COL10A1: variants seen among roughly 807,000 people sequenced by gnomAD.
The protein encoded by COL10A1 is collagen alpha-1(X) chain.
A neutral mutation model predicts 18.2 loss-of-function variants in COL10A1; 10 were observed. That is an observed-to-expected ratio of 0.55 (90% CI 0.34 to 0.93). COL10A1 has a LOEUF of 0.93. COL10A1 is among the 40% of genes least tolerant of loss of function. The pLI is 0.02. For missense variants in COL10A1, 897 were observed against 853.5 expected (o/e 1.05, Z -0.64); for synonymous variants, 330 against 316.6 (o/e 1.04, Z -0.45).
the COL10A1 span, among the ~76,000 whole-genome samples, chr6:116,194,628 A>C: frequency 6.6e-6 from 1 of 152,062 alleles, no homozygotes; most frequent in Non-Finnish European, 1.5e-5. Flanking sequence ...AATAAAGGAT[A>C]ATGTGAATTC....
chr6:116,144,985 G>A (rs1445469238), intron 1 of COL10A1, among the ~76,000 whole-genome samples: 1 of 152,146 alleles, frequency 6.6e-6, no homozygotes, highest in Non-Finnish European at 1.5e-5. Flanking sequence ...AGGGAAAAGG[G>A]TTCAATTAGA....
chr6:116,159,400 G>T (rs1211248771), upstream of COL10A1, among the ~76,000 whole-genome samples: 1 of 152,106 alleles, frequency 6.6e-6, no homozygotes, highest in Non-Finnish European at 1.5e-5. Context: ...TTACACATGT[G>T]ATTATTCATT....
At chr6:116,191,247 CCTCTGACCCAAA>C in the COL10A1 span, among the ~76,000 whole-genome samples, 1 of 151,986 alleles carries the variant, frequency 6.6e-6, no homozygotes, top group Admixed American at 6.6e-5. Context: ...AGAATTTGTA[CCTCTGACCCAAA>C]CTCCAAGGAC....
intron 1 of COL10A1, among the ~76,000 whole-genome samples, chr6:116,158,156 A>G (rs1256753728): frequency 2.6e-5 from 4 of 152,214 alleles, no homozygotes; most frequent in Non-Finnish European, 5.9e-5. Context: ...AGTTTTTATT[A>G]CAAATAAATC....
the COL10A1 span, among the ~76,000 whole-genome samples, chr6:116,177,486 G>T: frequency 2.0e-5 from 3 of 152,174 alleles, no homozygotes; most frequent in Admixed American, 2.0e-4. Flanking sequence ...TCTCTTTAAT[G>T]ATATAAATTT....
At chr6:116,199,809 A>G in the COL10A1 span, among the ~76,000 whole-genome samples, 1 of 152,104 alleles carries the variant, frequency 6.6e-6, no homozygotes. Context: ...TAAAATAACC[A>G]TCAATGAGTC....
In COL10A1 at chr6:116,156,753, C is replaced by T. The variant is rs77775306; in HGVS notation, c.-16+1861G>A. On this transcript the variant is annotated intron_variant, in intron 1 of 1. Coordinates refer to the COL10A1 transcript ENST00000418500. ...CAGCATATCTTGAATAAGAAGTACA[C>T]TTAAGAGTAATATCCAAGATATCTA... Among the ~76,000 whole-genome samples the T allele has an allele frequency of 1.1e-3, 171 of 152,238 alleles. 4 individuals are homozygous for T. In the East Asian group the frequency reaches 0.03, roughly 27 times the overall value.
chr6:116,143,520 C>A (rs556469550), intron 1 of COL10A1, among the ~76,000 whole-genome samples: 1 of 152,236 alleles, frequency 6.6e-6, no homozygotes, highest in East Asian at 1.9e-4. Context: ...CCTTTCCCAC[C>A]TCTTTAATTG....
At position 116,135,834 on chromosome 6, in the gene COL10A1, G is replaced by GATATAT. The variant is rs199827970; in HGVS notation, c.-15-10333_-15-10328dup. On this transcript the variant is annotated intron_variant, in intron 1 of 1. Transcript: ENST00000418500. ...ATTTATGGTATACAATATATTTTCA[G>GATATAT]ATATATATATATATATATATATATA... Among the ~76,000 whole-genome samples the GATATAT allele has an allele frequency of 7.9e-3, 802 of 102,094 alleles. 4 individuals are homozygous for GATATAT. The highest frequency in any genetic ancestry group is 0.012 in the Non-Finnish European group (582 of 50,410). 67.0% of individuals were successfully genotyped at this position (102,094 alleles called of 152,430 possible). A position where few individuals can be genotyped will look rare whatever the true frequency, so the allele number is the denominator to read the frequency against.
chr6:116,128,400 T>C (rs1014636133), upstream of COL10A1, among the ~76,000 whole-genome samples: 1 of 152,164 alleles, frequency 6.6e-6, no homozygotes, highest in Admixed American at 6.5e-5. Context: ...TGTAGCTGTT[T>C]GAAGTGACTA....
Position 116,121,518 on chromosome 6 carries a change from C to G in COL10A1, c.598G>C (p.Gly200Arg). Residue 200 changes from glycine (G) to arginine (R), a missense_variant, in exon 3 of 3, where the codon GGT becomes CGT. Coordinates refer to ENST00000651968, the MANE Select transcript of COL10A1 (RefSeq NM_000493.4). ...TGAGGGCCTGGAAGACCCCTCTCAC[C>G]TGGACGACCAGGAGCACCATATCCC... Reference protein sequence around the residue: ...EMGYGAPGRPGERGLPGPQGP... With the variant: ...EMGYGAPGRPRERGLPGPQGP... 6.2e-7 allele frequency: 1 copy of G among 1,614,182 alleles called. No individual in the cohort carries two copies. The highest frequency in any genetic ancestry group is 8.5e-7 in the Non-Finnish European group (1 of 1,180,024).
the COL10A1 span, among the ~76,000 whole-genome samples, chr6:116,178,052 A>AGTGTGT: frequency 0.04 from 5,437 of 136,144 alleles, 128 homozygotes; most frequent in Middle Eastern, 0.056. Context: ...CAAAGAGGAA[A>AGTGTGT]GTGTGTGTGT....
the COL10A1 span, among the ~76,000 whole-genome samples, chr6:116,198,449 G>T: frequency 2.0e-5 from 3 of 152,158 alleles, no homozygotes; most frequent in Admixed American, 6.5e-5. Context: ...ACTACAGGTG[G>T]CTGGGTATAG....
chr6:116,152,483 A>C (rs554923267), intron 1 of COL10A1, among the ~76,000 whole-genome samples: 1 of 152,098 alleles, frequency 6.6e-6, no homozygotes, highest in South Asian at 2.1e-4. Flanking sequence ...GTGATTATCT[A>C]CCCCACCGTG....
At chr6:116,173,290 G>A in the COL10A1 span, among the ~76,000 whole-genome samples, 1 of 152,108 alleles carries the variant, frequency 6.6e-6, no homozygotes, top group African/African-American at 2.4e-5. Context: ...TTTAAGAGTT[G>A]CAAAATTTAA....
the COL10A1 span, among the ~76,000 whole-genome samples, chr6:116,183,077 C>T: frequency 2.0e-5 from 3 of 152,038 alleles, no homozygotes; most frequent in African/African-American, 4.8e-5. Flanking sequence ...GGATCCATTT[C>T]GTTCTTCTAC....
At chr6:116,205,754 T>A in the COL10A1 span, among the ~76,000 whole-genome samples, 64,631 of 151,920 alleles carry the variant, frequency 0.43, 17,723 homozygotes, top group African/African-American at 0.78. Flanking sequence ...AAGGCTGTAA[T>A]ATGTCTTAAT....
rs138141648 is a variant in COL10A1 at position 116,120,870 on chromosome 6, C to T, written c.1246G>A (p.Gly416Arg). The T allele has an allele frequency of 1.2e-6, 2 of 1,613,998 alleles. No individual in the cohort carries two copies. The highest frequency in any genetic ancestry group is 1.7e-6 in the Non-Finnish European group (2 of 1,179,928). The change falls in exon 3 of 3, where the codon GGA becomes AGA. Residue 416 changes from glycine to arginine, a missense_variant. Transcript: ENST00000651968. ...ACAGGGCCTGGGAGACCAGGAGGTCCTCCAACTCCAGGATCACCTTTTGGA... is the reference window on the plus strand; with the variant it reads ...ACAGGGCCTGGGAGACCAGGAGGTCTTCCAACTCCAGGATCACCTTTTGGA... ...PGPKGDPGVGGPPGLPGPVGP... is the reference protein window; with the variant it reads ...PGPKGDPGVGRPPGLPGPVGP...
upstream of COL10A1, among the ~76,000 whole-genome samples, chr6:116,128,532 C>A (rs1305506880): frequency 6.6e-6 from 1 of 152,068 alleles, no homozygotes; most frequent in Non-Finnish European, 1.5e-5. Context: ...TCACATCTGG[C>A]AGTTAGCTAC....
Sources: allele counts gnomAD v4.1 joint callset (sites outside exome capture counted in the v4.1 genomes callset), GRCh38; gene constraint gnomAD v4.1.1; transcripts MANE v1.5; gene names NCBI Gene and HGNC (gene_info 2026-07-23, HGNC 2026-07-21).